SGCZ: variants seen among roughly 807,000 people sequenced by gnomAD.
The protein encoded by SGCZ is zeta-sarcoglycan.
A neutral mutation model predicts 41.3 loss-of-function variants in SGCZ; 40 were observed. The ratio of observed to expected loss-of-function variants is 0.97; its 90% CI spans 0.75 to 1.26. The LOEUF is 1.26. Ranked by LOEUF, SGCZ falls within the 50% of genes most tolerant of loss-of-function variation. The pLI is 0.00. For synonymous variants in SGCZ, 206 were observed against 137.5 expected (o/e 1.50, Z -3.49); for missense variants, 552 against 369.8 (o/e 1.49, Z -4.04).
At chr8:14,573,417 T>G (rs1161332238) in intron 1 of SGCZ, among the ~76,000 whole-genome samples, 1 of 151,900 alleles carries the variant, frequency 6.6e-6, no homozygotes, top group Non-Finnish European at 1.5e-5. Context: ...CTGGATCTCC[T>G]GACCTCGTGA....
chr8:14,097,347 G>T (rs951391355), intron 7 of SGCZ, among the ~76,000 whole-genome samples: 4 of 152,042 alleles, frequency 2.6e-5, no homozygotes, highest in Non-Finnish European at 5.9e-5. Flanking sequence ...TTCACTTCGT[G>T]ATTTACCCAG....
At chr8:15,002,583 A>G (rs1585459386) in intron 1 of SGCZ, among the ~76,000 whole-genome samples, 3 of 152,172 alleles carry the variant, frequency 2.0e-5, no homozygotes, top group African/African-American at 7.2e-5. Context: ...TTGAAGTGAG[A>G]AATAAGACTG....
chr8:14,306,450 T>G (rs72604000), intron 3 of SGCZ, among the ~76,000 whole-genome samples: 38,096 of 152,188 alleles, frequency 0.25, 4,979 homozygotes, highest in South Asian at 0.33. Context: ...AATTTCTCTG[T>G]AAAATCATTC....
At chr8:14,579,139 G>C (rs1318864001) in intron 1 of SGCZ, among the ~76,000 whole-genome samples, 7 of 152,074 alleles carry the variant, frequency 4.6e-5, no homozygotes, top group Non-Finnish European at 7.4e-5. Context: ...AAAGTATTGA[G>C]ATCTTAGGCC....
At chr8:15,043,375 G>A (rs897654013) in intron 1 of SGCZ, among the ~76,000 whole-genome samples, 19 of 151,900 alleles carry the variant, frequency 1.3e-4, no homozygotes, top group African/African-American at 4.1e-4. Flanking sequence ...TTGAATTTAT[G>A]TCCATAATGG....
chr8:15,154,096 C>G (rs1799257083), intron 1 of SGCZ, among the ~76,000 whole-genome samples: 4 of 143,246 alleles, frequency 2.8e-5, no homozygotes, highest in Non-Finnish European at 4.6e-5. Context: ...TCACTCACCA[C>G]TTACCCCCTG....
chr8:14,458,979 GCCAACTTGA>G (rs1164039910), intron 2 of SGCZ, among the ~76,000 whole-genome samples: 1 of 152,110 alleles, frequency 6.6e-6, no homozygotes, highest in African/African-American at 2.4e-5. Flanking sequence ...GGACATAGTG[GCCAACTTGA>G]CAGAGATTTC....
At chr8:15,143,355 G>A (rs1337575694) in intron 1 of SGCZ, among the ~76,000 whole-genome samples, 14 of 152,256 alleles carry the variant, frequency 9.2e-5, no homozygotes, top group Admixed American at 9.2e-4. Context: ...GAATAAAGAT[G>A]TTTCTTCTCA....
intron 1 of SGCZ, among the ~76,000 whole-genome samples, chr8:14,941,738 A>C (rs2130821277): frequency 6.6e-6 from 1 of 151,956 alleles, no homozygotes; most frequent in South Asian, 2.1e-4. Context: ...TACGTTTATT[A>C]GAGACTTGAT....
intron 5 of SGCZ, among the ~76,000 whole-genome samples, chr8:14,144,749 T>C (rs571990624): frequency 2.6e-5 from 4 of 152,218 alleles, no homozygotes; most frequent in Non-Finnish European, 4.4e-5. Flanking sequence ...GGGGAGCCTA[T>C]TGCCCTGAAG....
At chr8:14,968,666 G>A (rs558588124) in intron 1 of SGCZ, among the ~76,000 whole-genome samples, 5 of 152,240 alleles carry the variant, frequency 3.3e-5, no homozygotes, top group South Asian at 4.1e-4. Context: ...ACATTGGTAA[G>A]AGGAGGAGGT....
At chr8:14,580,478 C>T (rs1275526831) in intron 1 of SGCZ, among the ~76,000 whole-genome samples, 1 of 152,010 alleles carries the variant, frequency 6.6e-6, no homozygotes, top group Non-Finnish European at 1.5e-5. Flanking sequence ...TCATAATTAT[C>T]TGAAGAAAAA....
rs535070808 is a variant in SGCZ at position 15,147,854 on chromosome 8, T to C, written c.39+89731A>G. Among the ~76,000 whole-genome samples the C allele has an allele frequency of 1.6e-3, 238 of 152,312 alleles. 3 individuals are homozygous for C. The South Asian group carries it at 0.022, about 14-fold the overall frequency. ...AATTTTTTCCATGTAATATATACTA[T>C]GAATTATATATGTCTCTGAATCCTC... On this transcript the variant is annotated intron_variant, in intron 1 of 7. Coordinates refer to ENST00000382080, the MANE Select transcript of SGCZ (RefSeq NM_139167.4).
At chr8:15,102,868 A>G (rs1039573108) in intron 1 of SGCZ, among the ~76,000 whole-genome samples, 1 of 152,148 alleles carries the variant, frequency 6.6e-6, no homozygotes, top group Admixed American at 6.5e-5. Flanking sequence ...TAATAGAGCA[A>G]CACTTACCAG....
At chr8:14,905,467 C>G (rs1310290489) in intron 1 of SGCZ, among the ~76,000 whole-genome samples, 2 of 152,034 alleles carry the variant, frequency 1.3e-5, no homozygotes, top group Non-Finnish European at 2.9e-5. Context: ...CACTCATTTA[C>G]TGCTCATTGG....
At chr8:14,377,831 C>A (rs1363123754) in intron 2 of SGCZ, among the ~76,000 whole-genome samples, 1 of 151,872 alleles carries the variant, frequency 6.6e-6, no homozygotes, top group Non-Finnish European at 1.5e-5. Flanking sequence ...TTACCAATTT[C>A]ATCCATGTCC....
intron 2 of SGCZ, among the ~76,000 whole-genome samples, chr8:14,491,426 G>A (rs17119395): frequency 0.066 from 9,999 of 152,172 alleles, 576 homozygotes; most frequent in African/African-American, 0.15. Context: ...GATTTCTAAG[G>A]CGATTTGAGT....
intron 2 of SGCZ, among the ~76,000 whole-genome samples, chr8:14,397,699 G>A (rs888876495): frequency 1.3e-5 from 2 of 152,008 alleles, no homozygotes; most frequent in African/African-American, 4.8e-5. Context: ...AATATGAAGG[G>A]CAGGTGAATG....
chr8:14,647,944 T>C (rs906556012), intron 1 of SGCZ, among the ~76,000 whole-genome samples: 2 of 151,972 alleles, frequency 1.3e-5, no homozygotes, highest in Admixed American at 1.3e-4. Flanking sequence ...GGGGAGACAG[T>C]TCTATTTAAC....
Sources: allele counts gnomAD v4.1 joint callset (sites outside exome capture counted in the v4.1 genomes callset), GRCh38; gene constraint gnomAD v4.1.1; transcripts MANE v1.5; gene names NCBI Gene and HGNC (gene_info 2026-07-23, HGNC 2026-07-21).